The following CSMD3 variants were observed in gnomAD, a reference collection of about 807,000 sequenced individuals.
CSMD3 encodes CUB and sushi domain-containing protein 3.
In CSMD3, 177 loss-of-function variants were observed where a neutral mutation model predicts 435.2. The observed-to-expected ratio is 0.41, with a 90% confidence interval of 0.36 to 0.46. The LOEUF (loss-of-function observed/expected upper bound fraction) is 0.46, where lower values mean the gene tolerates loss of function less well. Among genes scored for constraint, CSMD3 ranks in the 20% least tolerant of loss-of-function variants. CSMD3 has a pLI of 0.34. For missense variants in CSMD3, 4,265 were observed against 4,504.6 expected (o/e 0.95, Z 1.52); for synonymous variants, 1,656 against 1,520.5 (o/e 1.09, Z -2.07).
At chr8:112,970,395 C>CAAAAAAAAAA (rs11284034) in intron 7 of CSMD3, among the ~76,000 whole-genome samples, 3 of 82,196 alleles carry the variant, frequency 3.6e-5, no homozygotes, top group Non-Finnish European at 4.9e-5. Context: ...GACTCCCTCT[C>CAAAAAAAAAA]AAAAAAAAAA....
chr8:113,347,392 T>C (rs1291582386), intron 1 of CSMD3, among the ~76,000 whole-genome samples: 2 of 152,244 alleles, frequency 1.3e-5, no homozygotes, highest in South Asian at 2.1e-4. Flanking sequence ...ACTATTTACT[T>C]TAGAAGGAAT....
intron 6 of CSMD3, among the ~76,000 whole-genome samples, chr8:112,998,405 T>A (rs1351289869): frequency 6.6e-6 from 1 of 151,900 alleles, no homozygotes; most frequent in East Asian, 1.9e-4. Flanking sequence ...TTATTCTATA[T>A]GGTCATTTCC....
chr8:112,519,914 C>T (rs903253900), intron 27 of CSMD3, among the ~76,000 whole-genome samples: 7 of 152,022 alleles, frequency 4.6e-5, no homozygotes, highest in East Asian at 1.9e-4. Context: ...TAAAACTCAA[C>T]GATATGGTTA....
intron 1 of CSMD3, among the ~76,000 whole-genome samples, chr8:113,417,723 T>C (rs1007484740): frequency 3.3e-5 from 5 of 151,980 alleles, no homozygotes; most frequent in African/African-American, 9.7e-5. Flanking sequence ...TTTTCAGAAA[T>C]ACAAGCAAGT....
chr8:112,867,725 G>A (rs1029716950), intron 10 of CSMD3, among the ~76,000 whole-genome samples: 3 of 152,024 alleles, frequency 2.0e-5, no homozygotes. Context: ...ATTAAAAATG[G>A]TACACCTGTA....
chr8:112,443,453 T>A (rs1388961), intron 32 of CSMD3, among the ~76,000 whole-genome samples: 67,542 of 151,972 alleles, frequency 0.44, 15,612 homozygotes, highest in Middle Eastern at 0.6. Flanking sequence ...AATATATTCA[T>A]ACAAAAAATC....
intron 22 of CSMD3, among the ~76,000 whole-genome samples, chr8:112,600,735 G>A (rs1426764625): frequency 6.6e-6 from 1 of 151,698 alleles, no homozygotes; most frequent in African/African-American, 2.4e-5. Flanking sequence ...ACCCATGCTG[G>A]AGTGCGATCT....
chr8:112,323,790 G>A (rs1823235352), intron 45 of CSMD3, among the ~76,000 whole-genome samples: 1 of 151,966 alleles, frequency 6.6e-6, no homozygotes. Context: ...AGAGAATCAA[G>A]GAAGTATTTA....
intron 32 of CSMD3, among the ~76,000 whole-genome samples, chr8:112,448,755 TA>T (rs199998820): frequency 0.028 from 3,518 of 126,976 alleles, 40 homozygotes; most frequent in African/African-American, 0.046. Context: ...TACAATCTAT[TA>T]AAAAAAAAAA....
chr8:113,390,348 T>G (rs1398946385), intron 1 of CSMD3, among the ~76,000 whole-genome samples: 1 of 151,802 alleles, frequency 6.6e-6, no homozygotes, highest in Non-Finnish European at 1.5e-5. Flanking sequence ...GAGATTTCCT[T>G]TCTGTAGAAT....
chr8:112,272,323 T>G (rs1157466465), intron 59 of CSMD3, among the ~76,000 whole-genome samples: 5 of 152,192 alleles, frequency 3.3e-5, no homozygotes, highest in African/African-American at 1.2e-4. Flanking sequence ...CCTCATTAAT[T>G]TAATTCAAAT....
intron 13 of CSMD3, among the ~76,000 whole-genome samples, chr8:112,793,364 T>C (rs1397822633): frequency 6.6e-6 from 1 of 151,686 alleles, no homozygotes; most frequent in Non-Finnish European, 1.5e-5. Flanking sequence ...AACTCACATA[T>C]AACTGTTCCT....
intron 1 of CSMD3, among the ~76,000 whole-genome samples, chr8:113,348,087 TAAGAA>T (rs1158505247): frequency 1.3e-5 from 2 of 151,986 alleles, no homozygotes; most frequent in African/African-American, 4.8e-5. Flanking sequence ...AACCAGAAAA[TAAGAA>T]AAGAAGATGA....
chr8:112,792,377 C>T (rs1488805337), intron 13 of CSMD3, among the ~76,000 whole-genome samples: 1 of 152,080 alleles, frequency 6.6e-6, no homozygotes. Context: ...TGGTTCGTTT[C>T]TAGCTGTATC....
Position 112,433,228 on chromosome 8 carries a change from A to T in CSMD3, c.5396-24196T>A, listed in dbSNP as rs143710968. On this transcript the variant is annotated intron_variant, in intron 32 of 70. Coordinates refer to ENST00000297405, the MANE Select transcript of CSMD3 (RefSeq NM_198123.2). ...GACAGAATAACTTAGCATTGCAAAC[A>T]GCTACCTTTCAAGGGCAGAAATAAC... Among the ~76,000 whole-genome samples the T allele has an allele frequency of 3.0e-3, 412 of 137,340 alleles. 1 individual carries two copies. Among genetic ancestry groups the T allele is most frequent in the African/African-American group, 0.011 (398 of 35,110 alleles). The allele number at this position is 137,340 out of a possible 152,430, so 90.1% of individuals were successfully genotyped here.
intron 17 of CSMD3, among the ~76,000 whole-genome samples, chr8:112,665,206 CTT>C (rs976440329): frequency 6.6e-6 from 1 of 152,070 alleles, no homozygotes; most frequent in Admixed American, 6.6e-5. Context: ...ATGTCACTTC[CTT>C]TTTTTGTCTA....
At chr8:112,313,415 T>G (rs1001986963) in intron 49 of CSMD3, among the ~76,000 whole-genome samples, 1 of 152,158 alleles carries the variant, frequency 6.6e-6, no homozygotes, top group African/African-American at 2.4e-5. Context: ...TTTTGACCTC[T>G]GTATGTTTAT....
intron 27 of CSMD3, among the ~76,000 whole-genome samples, chr8:112,520,893 C>G (rs1049261097): frequency 2.7e-4 from 41 of 151,960 alleles, no homozygotes; most frequent in African/African-American, 9.1e-4. Context: ...TAGAAGCACT[C>G]TCTTCTTAAC....
intron 1 of CSMD3, among the ~76,000 whole-genome samples, chr8:113,435,749 ACCT>A (rs2094702230): frequency 6.6e-6 from 1 of 151,910 alleles, no homozygotes. Context: ...AGTCATAAAC[ACCT>A]CCTGAGTATT....
Sources: allele counts gnomAD v4.1 joint callset (sites outside exome capture counted in the v4.1 genomes callset), GRCh38; gene constraint gnomAD v4.1.1; transcripts MANE v1.5; gene names NCBI Gene and HGNC (gene_info 2026-07-23, HGNC 2026-07-21).